The following DGKK variants were observed in gnomAD, a reference collection of about 807,000 sequenced individuals.
DGKK encodes diacylglycerol kinase kappa, also known as 142 kDa diacylglycerol kinase.
Under a neutral mutation model 92.2 loss-of-function variants are expected in DGKK, and 35 were observed. The observed-to-expected ratio is 0.38, with a 90% CI of 0.29 to 0.50. The LOEUF is 0.50. DGKK is among the 20% of genes least tolerant of loss of function. DGKK has a pLI of 0.92. For synonymous variants in DGKK, 368 were observed against 360.6 expected (o/e 1.02, Z -0.23); for missense variants, 910 against 992.2 (o/e 0.92, Z 1.11).
At chrX:50,465,549 A>C (rs1170302930) in intron 1 of DGKK, among the ~76,000 whole-genome samples, 1 of 110,460 alleles carries the variant, frequency 9.1e-6, no homozygotes, top group Non-Finnish European at 1.9e-5. Flanking sequence ...TTTCCTTTAC[A>C]AAACACACAC....
intron 18 of DGKK, among the ~76,000 whole-genome samples, chrX:50,381,368 T>A (rs1223328818): frequency 9.0e-6 from 1 of 111,275 alleles, no homozygotes; most frequent in Non-Finnish European, 1.9e-5. Context: ...CTTGGGAGGC[T>A]GAGGCAGGAG....
rs1255341799 is a variant in DGKK, at chrX:50,450,216, G to A, written c.645+19818C>T. Among the ~76,000 whole-genome samples, 2 of 112,380 alleles carry A rather than the reference G, an allele frequency of 1.8e-5. 1 individual carries two copies. The highest frequency in any genetic ancestry group is 8.4e-3 in the Middle Eastern group (2 of 238). ...ACGGTCTGCACATACATTCTCATTT[G>A]CTGGAAGTCCAAGGCCAAGCCATGC... On this transcript the variant is annotated intron_variant, in intron 1 of 27. Transcript: ENST00000611977.
chrX:50,422,369 C>A lies in DGKK; in HGVS notation c.837+77G>T, dbSNP rs1269304741. The A allele has an allele frequency of 1.8e-5, 15 of 823,543 alleles. 1 individual carries two copies. Among genetic ancestry groups the A allele is most frequent in the Non-Finnish European group, 2.6e-5 (15 of 584,960 alleles). 67.9% of individuals were successfully genotyped at this position (823,543 alleles called of 1,213,427 possible). A position where few individuals can be genotyped will look rare whatever the true frequency, so the allele number is the denominator to read the frequency against. ...TTTGGAAACCTGAAGTTCAAAGAAG[C>A]AAGAAGTGGTCATGGAAAGCTATCT... is the stretch of plus-strand genomic sequence containing the variant. On this transcript the variant is annotated intron_variant, in intron 3 of 27. Transcript: ENST00000611977.
At chrX:50,421,990 G>A (rs1021562719) in intron 3 of DGKK, among the ~76,000 whole-genome samples, 2 of 112,108 alleles carry the variant, frequency 1.8e-5, no homozygotes, top group Admixed American at 9.4e-5. Context: ...CACTTCCCTA[G>A]AAAATCTTCT....
At chrX:50,454,463 A>G (rs1235953957) in intron 1 of DGKK, among the ~76,000 whole-genome samples, 1 of 111,007 alleles carries the variant, frequency 9.0e-6, no homozygotes, top group Non-Finnish European at 1.9e-5. Context: ...TTCCCTTCCA[A>G]TCTATCCTTT....
chrX:50,465,838 T>C (rs1406438302), intron 1 of DGKK, among the ~76,000 whole-genome samples: 2 of 110,697 alleles, frequency 1.8e-5, no homozygotes, highest in Non-Finnish European at 3.8e-5. Context: ...TGTCAAGTTT[T>C]ATTTTTGCCC....
At chrX:50,463,894 CCCTA>C (rs1252642237) in intron 1 of DGKK, among the ~76,000 whole-genome samples, 2 of 109,945 alleles carry the variant, frequency 1.8e-5, no homozygotes, top group Admixed American at 1.9e-4. Flanking sequence ...TGTGTTTCTC[CCCTA>C]CCTATCTTTT....
At chrX:50,400,674 T>A (rs1165428735) in intron 8 of DGKK, among the ~76,000 whole-genome samples, 2 of 111,886 alleles carry the variant, frequency 1.8e-5, no homozygotes, top group East Asian at 5.6e-4. Context: ...TGGTGTTTGT[T>A]TCCATTTTAA....
chrX:50,430,958 G>C (rs782250652), intron 1 of DGKK, among the ~76,000 whole-genome samples: 5 of 111,522 alleles, frequency 4.5e-5, no homozygotes, highest in African/African-American at 1.3e-4. Context: ...TACAGCTGCT[G>C]CTGTGACCTT....
At chrX:50,386,720 C>G in intron 14 of DGKK, 134 bp from the exon 15 acceptor site, 1 of 501,421 alleles carries the variant, frequency 2.0e-6, no homozygotes, top group Admixed American at 3.7e-5. Flanking sequence ...CATAGAAAAC[C>G]ACATGTGAGA....
At chrX:50,424,828 A>G (rs1380902586) in intron 1 of DGKK, among the ~76,000 whole-genome samples, 2 of 111,501 alleles carry the variant, frequency 1.8e-5, no homozygotes, top group Non-Finnish European at 1.9e-5. Context: ...GCAAGCCTCC[A>G]ATAGCTTCTC....
At chrX:50,449,109 G>A (rs1557232264) in intron 1 of DGKK, among the ~76,000 whole-genome samples, 1 of 111,517 alleles carries the variant, frequency 9.0e-6, no homozygotes, top group African/African-American at 3.3e-5. Context: ...TACATTGCAG[G>A]AAGATCAAGC....
intron 22 of DGKK, 26 bp downstream of exon 22, chrX:50,378,072 G>A (rs782267513): frequency 1.7e-6 from 2 of 1,200,695 alleles, no homozygotes; most frequent in Non-Finnish European, 2.2e-6. Context: ...CAGTATAGGA[G>A]CCCAAGACAA....
chrX:50,444,277 C>T (rs1348670366), intron 1 of DGKK, among the ~76,000 whole-genome samples: 2 of 111,585 alleles, frequency 1.8e-5, no homozygotes, highest in African/African-American at 6.5e-5. Flanking sequence ...TACATTTCCA[C>T]CAGCAATTTA....
intron 1 of DGKK, among the ~76,000 whole-genome samples, chrX:50,430,285 C>A (rs782218990): frequency 1.8e-5 from 2 of 112,060 alleles, no homozygotes; most frequent in Non-Finnish European, 3.8e-5. Flanking sequence ...ATCTGTGATG[C>A]TGCAGATAGA....
chrX:50,375,199 A>C, intron 24 of DGKK, 142 bp from the exon 25 acceptor site: 1 of 449,334 alleles, frequency 2.2e-6, no homozygotes, highest in Non-Finnish European at 3.9e-6. Context: ...AATATTCAAA[A>C]TATAGTACAA....
intron 26 of DGKK, 140 bp downstream of exon 26, chrX:50,371,584 G>A (rs1924127747): frequency 2.3e-5 from 10 of 437,206 alleles, no homozygotes; most frequent in Non-Finnish European, 3.5e-5. Context: ...GGGCAGGGAG[G>A]AAGCTCCAGT....
At chrX:50,435,717 GTGTA>G (rs782003122) in intron 1 of DGKK, among the ~76,000 whole-genome samples, 19 of 97,537 alleles carry the variant, frequency 1.9e-4, no homozygotes, top group South Asian at 4.3e-4. Flanking sequence ...GAGTGTGTGT[GTGTA>G]TGTGTGTGTG....
At chrX:50,468,186 G>C (rs1053620689) in intron 1 of DGKK, among the ~76,000 whole-genome samples, 2 of 112,019 alleles carry the variant, frequency 1.8e-5, no homozygotes, top group Non-Finnish European at 3.8e-5. Context: ...AGATGCTTTC[G>C]CATGGGAGCA....
Sources: gnomAD v4.1 joint callset for allele counts (sites outside exome capture counted in the v4.1 genomes callset) on GRCh38, gnomAD v4.1.1 for gene constraint, MANE v1.5 for transcripts, NCBI Gene and HGNC (gene_info 2026-07-23, HGNC 2026-07-21) for gene names.